The following AK8 variants were observed in gnomAD, a reference collection of about 807,000 sequenced individuals.
The protein encoded by AK8 is adenylate kinase 8.
AK8 carries 44 observed loss-of-function variants against 54.6 expected under a neutral mutation model. The ratio of observed to expected loss-of-function variants is 0.81; its 90% confidence interval spans 0.63 to 1.04. The LOEUF (loss-of-function observed/expected upper bound fraction) is 1.04, where lower values mean the gene tolerates loss of function less well. Ranked by LOEUF, AK8 falls within the 50% of genes least tolerant of loss-of-function variation. The pLI is 0.00. For synonymous variants in AK8, 239 were observed against 245.6 expected (o/e 0.97, Z 0.25); for missense variants, 555 against 613.6 (o/e 0.90, Z 1.01).
intron 11 of AK8, among the ~76,000 whole-genome samples, chr9:132,739,366 T>C (rs141390488): frequency 3.6e-3 from 459 of 126,076 alleles, no homozygotes; most frequent in African/African-American, 0.012. Context: ...CGCTTGAACC[T>C]GGGAAGCAGA....
At chr9:132,795,383 C>T (rs1442695461) in intron 10 of AK8, among the ~76,000 whole-genome samples, 1 of 152,150 alleles carries the variant, frequency 6.6e-6, no homozygotes, top group Admixed American at 6.5e-5. Context: ...CTGTGAGGAA[C>T]TGGGGCGTGG....
intron 11 of AK8, among the ~76,000 whole-genome samples, chr9:132,732,588 G>T (rs562398732): frequency 5.9e-5 from 9 of 152,214 alleles, no homozygotes; most frequent in South Asian, 2.1e-4. Context: ...TTGCCGGAGA[G>T]AAATGAGCCT....
At chr9:132,864,899 A>C (rs907336966) in intron 3 of AK8, among the ~76,000 whole-genome samples, 3 of 152,228 alleles carry the variant, frequency 2.0e-5, no homozygotes, top group Non-Finnish European at 4.4e-5. Context: ...CCCACTGAGC[A>C]ACCAGACTCC....
At chr9:132,825,269 CAG>C (rs1280247597) in intron 8 of AK8, among the ~76,000 whole-genome samples, 1 of 152,162 alleles carries the variant, frequency 6.6e-6, no homozygotes, top group African/African-American at 2.4e-5. Flanking sequence ...AAAAACAACA[CAG>C]AGAGAATTCT....
chr9:132,750,149 G>T (rs1031511229), intron 11 of AK8, among the ~76,000 whole-genome samples: 6 of 151,728 alleles, frequency 4.0e-5, no homozygotes, highest in African/African-American at 1.5e-4. Context: ...TCTTCTCATG[G>T]GCTCTGTCAT....
Position 132,725,611 on chromosome 9 carries a change from G to A in AK8, c.*77C>T. ...AGCAGGCTTTATTGGCTTTTTAGGG[G>A]AGCTGTGCCGAGGCTGGGGGGCTGG... On this transcript the variant is annotated 3_prime_UTR_variant, in exon 13 of 13. Coordinates refer to ENST00000298545, the MANE Select transcript of AK8 (RefSeq NM_152572.3). 2.3e-6 allele frequency: 3 copies of A among 1,316,220 alleles called. No individual in the cohort carries two copies. The highest frequency in any genetic ancestry group is 1.4e-5 in the South Asian group (1 of 72,112). The allele number at this position is 1,316,220 out of a possible 1,614,324, so 81.5% of individuals were successfully genotyped here. A position where few individuals can be genotyped will look rare whatever the true frequency, so the allele number is the denominator to read the frequency against.
chr9:132,748,163 AGT>A (rs897010956), intron 11 of AK8, among the ~76,000 whole-genome samples: 7 of 151,938 alleles, frequency 4.6e-5, no homozygotes, highest in African/African-American at 1.7e-4. Context: ...AAGACGGAAA[AGT>A]GTGCATTTTC....
intron 5 of AK8, among the ~76,000 whole-genome samples, chr9:132,843,838 A>G (rs1842634422): frequency 6.6e-6 from 1 of 152,228 alleles, no homozygotes; most frequent in African/African-American, 2.4e-5. Context: ...CTTTGGAACC[A>G]TAGGAATGAA....
chr9:132,821,792 TA>T (rs1357438716), intron 9 of AK8, among the ~76,000 whole-genome samples: 3 of 135,200 alleles, frequency 2.2e-5, no homozygotes, highest in African/African-American at 8.1e-5. Flanking sequence ...TATATACAAA[TA>T]TATACATATA....
At chr9:132,873,366 G>A in intron 2 of AK8, among the ~76,000 whole-genome samples, 1 of 152,262 alleles carries the variant, frequency 6.6e-6, no homozygotes, top group African/African-American at 2.4e-5. Context: ...AGGCCAAAGA[G>A]AGCCACGATC....
intron 11 of AK8, among the ~76,000 whole-genome samples, chr9:132,764,927 C>T (rs953390457): frequency 6.6e-6 from 1 of 152,192 alleles, no homozygotes; most frequent in Non-Finnish European, 1.5e-5. Context: ...TATAGGCCAA[C>T]ATCCTTGATG....
At chr9:132,750,954 A>G (rs1410660693) in intron 11 of AK8, among the ~76,000 whole-genome samples, 1 of 152,050 alleles carries the variant, frequency 6.6e-6, no homozygotes, top group Non-Finnish European at 1.5e-5. Context: ...AAAAGAACCC[A>G]GGGTTAAACT....
chr9:132,777,489 C>T (rs533692975), intron 11 of AK8, among the ~76,000 whole-genome samples: 1 of 152,330 alleles, frequency 6.6e-6, no homozygotes, highest in Admixed American at 6.5e-5. Context: ...ACAGACTGAG[C>T]CTGGCTCTCT....
chr9:132,767,150 A>G (rs1401697841), intron 11 of AK8, among the ~76,000 whole-genome samples: 1 of 152,250 alleles, frequency 6.6e-6, no homozygotes, highest in African/African-American at 2.4e-5. Flanking sequence ...CAAGCTAAAA[A>G]GCTTCTGCAT....
chr9:132,750,789 A>G (rs1184794385), intron 11 of AK8, among the ~76,000 whole-genome samples: 1 of 151,896 alleles, frequency 6.6e-6, no homozygotes, highest in African/African-American at 2.4e-5. Flanking sequence ...AGAGATACCA[A>G]TGGAAATTAG....
intron 5 of AK8, among the ~76,000 whole-genome samples, chr9:132,844,431 C>T (rs1309785850): frequency 1.3e-5 from 2 of 152,032 alleles, no homozygotes; most frequent in East Asian, 3.9e-4. Flanking sequence ...TCTAAATTAC[C>T]AATTCTAGTC....
At chr9:132,769,822 C>T (rs1838879503) in intron 11 of AK8, 1 of 152,160 alleles carries the variant, frequency 6.6e-6, no homozygotes, top group Non-Finnish European at 1.5e-5. Context: ...AAAGAGAATC[C>T]TGCCATCACC....
At chr9:132,763,464 T>C (rs552508408) in intron 11 of AK8, among the ~76,000 whole-genome samples, 5 of 152,366 alleles carry the variant, frequency 3.3e-5, no homozygotes, top group African/African-American at 1.2e-4. Flanking sequence ...CCATCTTACA[T>C]ATTTTAAGTT....
Position 132,860,416 on chromosome 9 carries a change from G to C in AK8, c.333+3249C>G, listed in dbSNP as rs1843338196. 6.6e-6 allele frequency among the ~76,000 whole-genome samples: 1 copy of C among 152,234 alleles called. No individual in the cohort carries two copies. Among genetic ancestry groups the C allele is most frequent in the South Asian group, 2.1e-4 (1 of 4,830 alleles). ...GAGACAAGCCAAGGCTGTTTACTCAGAGCTTGCTGGGCAAGGGAGTCAGCC... is the reference window on the plus strand; with the variant it reads ...GAGACAAGCCAAGGCTGTTTACTCACAGCTTGCTGGGCAAGGGAGTCAGCC... On this transcript the variant is annotated intron_variant, in intron 4 of 12. Transcript: ENST00000298545. The surrounding 1 kb of genome is among the most constrained non-coding windows in gnomAD (Gnocchi z 4.4).
Sources: allele counts gnomAD v4.1 joint callset (sites outside exome capture counted in the v4.1 genomes callset), GRCh38; gene constraint gnomAD v4.1.1; non-coding constraint Gnocchi (gnomAD v3.1); transcripts MANE v1.5; gene names NCBI Gene and HGNC (gene_info 2026-07-23, HGNC 2026-07-21).